DLC1: variants seen among roughly 807,000 people sequenced by gnomAD.
The protein encoded by DLC1 is rho GTPase-activating protein 7.
Under a neutral mutation model 140.3 loss-of-function variants are expected in DLC1, and 54 were observed. The observed-to-expected ratio is 0.38, with a 90% CI of 0.31 to 0.48. The LOEUF (loss-of-function observed/expected upper bound fraction) is 0.48, where lower values mean the gene tolerates loss of function less well. Ranked by LOEUF, DLC1 falls within the 20% of genes least tolerant of loss-of-function variation. The pLI is 0.96. For missense variants in DLC1, 2,536 were observed against 1,907.0 expected (o/e 1.33, Z -6.14); for synonymous variants, 986 against 728.1 (o/e 1.35, Z -5.70).
intron 5 of DLC1, among the ~76,000 whole-genome samples, chr8:13,134,765 G>C (rs1220826333): frequency 6.6e-6 from 1 of 151,908 alleles, no homozygotes; most frequent in African/African-American, 2.4e-5. Context: ...TTGAGACCAG[G>C]GTTGGCAATA....
At chr8:13,192,348 A>G (rs1275492840) in intron 5 of DLC1, among the ~76,000 whole-genome samples, 2 of 152,180 alleles carry the variant, frequency 1.3e-5, no homozygotes, top group African/African-American at 4.8e-5. Flanking sequence ...AGATGACAAA[A>G]TTAGTAATAC....
chr8:13,577,710 C>T (rs1585294549), intron 1 of DLC1, among the ~76,000 whole-genome samples: 1 of 152,102 alleles, frequency 6.6e-6, no homozygotes, highest in African/African-American at 2.4e-5. Context: ...CTGTTTTGGG[C>T]TTTTGTTTCC....
rs115955312 is a variant in DLC1, at chr8:13,337,047, C to A, written c.1315-31745G>T. On this transcript the variant is annotated intron_variant, in intron 4 of 17. Coordinates refer to ENST00000276297, the MANE Select transcript of DLC1 (RefSeq NM_182643.3). ...GCAAAAGGAAAAGTATAACTTCCTTCCTGGGGTGAAAATAGAAACAGAAGG... is the reference window on the plus strand; with the variant it reads ...GCAAAAGGAAAAGTATAACTTCCTTACTGGGGTGAAAATAGAAACAGAAGG... Among the ~76,000 whole-genome samples the A allele has an allele frequency of 5.3e-3, 800 of 152,224 alleles. 9 individuals are homozygous for A. Among genetic ancestry groups the A allele is most frequent in the African/African-American group, 0.018 (767 of 41,538 alleles).
chr8:13,133,706 C>T (rs1378931399), intron 5 of DLC1, among the ~76,000 whole-genome samples: 2 of 151,986 alleles, frequency 1.3e-5, no homozygotes, highest in Non-Finnish European at 2.9e-5. Flanking sequence ...CCGGCCTGGA[C>T]CCTAGTGTGC....
chr8:13,305,031 A>G (rs1832361210), intron 5 of DLC1: 9 of 1,141,636 alleles, frequency 7.9e-6, no homozygotes, highest in Non-Finnish European at 9.7e-6. Context: ...GGTTGCAGTT[A>G]CAAGGAAGAC....
At chr8:13,360,645 C>G (rs1481931271) in intron 4 of DLC1, among the ~76,000 whole-genome samples, 2 of 151,900 alleles carry the variant, frequency 1.3e-5, no homozygotes, top group Non-Finnish European at 2.9e-5. Flanking sequence ...AAGACTTACT[C>G]TGTGTTTTTT....
At chr8:13,114,416 C>T (rs149340426) in intron 6 of DLC1, among the ~76,000 whole-genome samples, 9 of 152,262 alleles carry the variant, frequency 5.9e-5, no homozygotes, top group Non-Finnish European at 8.8e-5. Context: ...GCAGGGAGCA[C>T]AAGCACTCCC....
intron 4 of DLC1, among the ~76,000 whole-genome samples, chr8:13,376,011 A>T (rs1246752834): frequency 1.3e-5 from 2 of 152,194 alleles, no homozygotes; most frequent in Non-Finnish European, 2.9e-5. Context: ...CACATGCACG[A>T]ACCGAAAAGA....
intron 5 of DLC1, among the ~76,000 whole-genome samples, chr8:13,195,466 C>A (rs996655740): frequency 6.6e-6 from 1 of 152,158 alleles, no homozygotes; most frequent in African/African-American, 2.4e-5. Context: ...GTGAGTACAG[C>A]TCTTTGCTAC....
chr8:13,175,675 A>G (rs1825721328), intron 5 of DLC1, among the ~76,000 whole-genome samples: 1 of 152,226 alleles, frequency 6.6e-6, no homozygotes, highest in Admixed American at 6.5e-5. Context: ...TAATACAATT[A>G]ACTAATAGAC....
chr8:13,313,335 G>A (rs747199613), intron 4 of DLC1, among the ~76,000 whole-genome samples: 4 of 152,198 alleles, frequency 2.6e-5, no homozygotes, highest in Non-Finnish European at 4.4e-5. Flanking sequence ...AAGGCATGCT[G>A]TGAAAAGAAG....
At chr8:13,306,679 G>C (rs79254673) in intron 4 of DLC1, among the ~76,000 whole-genome samples, 2,118 of 151,930 alleles carry the variant, frequency 0.014, 57 homozygotes, top group African/African-American at 0.048. Flanking sequence ...CAAATATCAA[G>C]ACGTCTATAT....
intron 5 of DLC1, among the ~76,000 whole-genome samples, chr8:13,136,260 G>T (rs1344442899): frequency 1.3e-5 from 2 of 152,126 alleles, no homozygotes; most frequent in East Asian, 3.9e-4. Flanking sequence ...TGAGGTTTGG[G>T]GTACGATTGG....
intron 16 of DLC1, among the ~76,000 whole-genome samples, chr8:13,088,223 G>C (rs1486923258): frequency 6.6e-6 from 1 of 151,146 alleles, no homozygotes; most frequent in African/African-American, 2.4e-5. Flanking sequence ...AGGACTACAG[G>C]CATGCACCAC....
At chr8:13,182,421 C>G (rs1398212372) in intron 5 of DLC1, among the ~76,000 whole-genome samples, 1 of 152,042 alleles carries the variant, frequency 6.6e-6, no homozygotes. Context: ...ATGGTATTGC[C>G]TAGGTTTTCA....
chr8:13,105,546 T>C (rs180886810), intron 7 of DLC1, among the ~76,000 whole-genome samples: 40 of 151,964 alleles, frequency 2.6e-4, no homozygotes, highest in Admixed American at 1.1e-3. Context: ...GATTAAAACA[T>C]GGTGGCTCTC....
intron 5 of DLC1, among the ~76,000 whole-genome samples, chr8:13,172,068 A>G (rs1249526176): frequency 6.6e-6 from 1 of 152,184 alleles, no homozygotes; most frequent in Non-Finnish European, 1.5e-5. Context: ...AAGAGCAATA[A>G]TTGTGCTTCA....
chr8:13,259,139 GAA>G (rs776038964), intron 5 of DLC1, among the ~76,000 whole-genome samples: 43 of 66,638 alleles, frequency 6.5e-4, no homozygotes, highest in South Asian at 3.7e-3. Context: ...TCCGTCTCAA[GAA>G]AAAAAAAAAA....
At chr8:13,124,803 G>C (rs760002811) in intron 5 of DLC1, among the ~76,000 whole-genome samples, 1 of 151,912 alleles carries the variant, frequency 6.6e-6, no homozygotes, top group Non-Finnish European at 1.5e-5. Flanking sequence ...CTCTAGAAAG[G>C]GTTCCATGCC....
Sources: allele counts gnomAD v4.1 joint callset (sites outside exome capture counted in the v4.1 genomes callset), GRCh38; gene constraint gnomAD v4.1.1; transcripts MANE v1.5; gene names NCBI Gene and HGNC (gene_info 2026-07-23, HGNC 2026-07-21).